Variants in CCDC148 observed in about 807,000 individuals in gnomAD.
CCDC148 encodes the protein coiled-coil domain-containing protein 148.
Under a neutral mutation model 85.7 loss-of-function variants are expected in CCDC148, and 89 were observed. That is an observed-to-expected ratio of 1.04 (90% confidence interval 0.87 to 1.24). The LOEUF is 1.24. CCDC148 is among the 50% of genes most tolerant of loss of function. CCDC148 has a pLI of 0.00. For synonymous variants in CCDC148, 230 were observed against 213.9 expected (o/e 1.08, Z -0.66); for missense variants, 692 against 671.7 (o/e 1.03, Z -0.33).
At chr2:158,264,453 C>T (rs988062689) in intron 9 of CCDC148, among the ~76,000 whole-genome samples, 4 of 151,994 alleles carry the variant, frequency 2.6e-5, no homozygotes, top group African/African-American at 4.8e-5. Flanking sequence ...ACCCCCTTCA[C>T]GTGGGATGTT....
At chr2:158,284,111 C>T (rs1243275838) in intron 9 of CCDC148, among the ~76,000 whole-genome samples, 1 of 121,820 alleles carries the variant, frequency 8.2e-6, no homozygotes, top group Non-Finnish European at 1.6e-5. Context: ...GAACATCACA[C>T]TCTGGGGACT....
chr2:158,387,132 G>A (rs1322806665), intron 1 of CCDC148, among the ~76,000 whole-genome samples: 2 of 151,996 alleles, frequency 1.3e-5, no homozygotes, highest in East Asian at 1.9e-4. Flanking sequence ...TCACAGTCTA[G>A]ATCAAATATT....
At chr2:158,280,539 C>A (rs1046839054) in intron 9 of CCDC148, among the ~76,000 whole-genome samples, 1 of 152,278 alleles carries the variant, frequency 6.6e-6, no homozygotes, top group African/African-American at 2.4e-5. Flanking sequence ...AAGGCCAATA[C>A]ATAATGGTAA....
At chr2:158,268,876 C>T (rs567832035) in intron 9 of CCDC148, among the ~76,000 whole-genome samples, 6 of 152,194 alleles carry the variant, frequency 3.9e-5, no homozygotes, top group African/African-American at 1.2e-4. Context: ...CAGGTTCATC[C>T]GTGTTGCTGC....
chr2:158,280,969 G>A (rs543989660), intron 9 of CCDC148, among the ~76,000 whole-genome samples: 72 of 152,148 alleles, frequency 4.7e-4, no homozygotes, highest in South Asian at 4.6e-3. Flanking sequence ...CAGGATTAAG[G>A]AACTCACTCA....
intron 2 of CCDC148, among the ~76,000 whole-genome samples, chr2:158,353,722 C>T (rs1414906413): frequency 1.3e-5 from 2 of 152,168 alleles, no homozygotes; most frequent in East Asian, 3.9e-4. Flanking sequence ...CTGCACCAAG[C>T]AGACCTAATA....
intron 10 of CCDC148, among the ~76,000 whole-genome samples, chr2:158,234,890 T>C (rs1688028042): frequency 6.6e-6 from 1 of 152,220 alleles, no homozygotes; most frequent in Non-Finnish European, 1.5e-5. Context: ...GGGTGATTTT[T>C]ATTGTATTTT....
At position 158,412,945 on chromosome 2, in the gene CCDC148, G is replaced by A. The variant is rs532974046; in HGVS notation, c.25+43470C>T. ...TATACATGTGCCATGCTGGTGTGCTGCACCCATTAACTCGTCATTTAGCAT... is the reference window on the plus strand; with the variant it reads ...TATACATGTGCCATGCTGGTGTGCTACACCCATTAACTCGTCATTTAGCAT... On this transcript the variant is annotated intron_variant, in intron 1 of 13. Transcript: ENST00000283233. Among the ~76,000 whole-genome samples the A allele has an allele frequency of 4.8e-3, 721 of 150,934 alleles. 2 individuals are homozygous for A. The highest frequency in any genetic ancestry group is 0.016 in the African/African-American group (679 of 41,274).
chr2:158,192,288 G>T (rs1453442075), intron 11 of CCDC148, among the ~76,000 whole-genome samples: 1 of 151,956 alleles, frequency 6.6e-6, no homozygotes, highest in Non-Finnish European at 1.5e-5. Context: ...TCTCTCAAAG[G>T]AAACAGAGAA....
intron 10 of CCDC148, among the ~76,000 whole-genome samples, chr2:158,232,538 A>G (rs1687903908): frequency 6.6e-6 from 1 of 152,220 alleles, no homozygotes; most frequent in African/African-American, 2.4e-5. Context: ...ATTTACACAT[A>G]GGAAGCAGAA....
At position 158,232,945 on chromosome 2, in the gene CCDC148, A is replaced by G. The variant is rs115887153; in HGVS notation, c.1252-12232T>C. ...GTAGAAGGAATAAATTCTAGTGTTC[A>G]ATAGCACCAGTAGGATGACTATAGT... On this transcript the variant is annotated intron_variant, in intron 10 of 13. Coordinates refer to ENST00000283233, the MANE Select transcript of CCDC148 (RefSeq NM_138803.4). Among the ~76,000 whole-genome samples the G allele has an allele frequency of 4.7e-3, 710 of 152,300 alleles. 1 individual carries two copies. The highest frequency in any genetic ancestry group is 0.016 in the African/African-American group (645 of 41,572).
intron 2 of CCDC148, among the ~76,000 whole-genome samples, chr2:158,353,978 C>T (rs1683476441): frequency 6.6e-6 from 1 of 152,182 alleles, no homozygotes; most frequent in African/African-American, 2.4e-5. Context: ...TGAATGACCA[C>T]TGGGTACATA....
At chr2:158,328,322 G>C (rs971603043) in intron 7 of CCDC148, among the ~76,000 whole-genome samples, 11 of 152,022 alleles carry the variant, frequency 7.2e-5, no homozygotes, top group Non-Finnish European at 1.0e-4. Context: ...CTTCATACAT[G>C]TCCCTACAAA....
At chr2:158,273,598 T>A (rs1315675286) in intron 9 of CCDC148, among the ~76,000 whole-genome samples, 2 of 152,102 alleles carry the variant, frequency 1.3e-5, no homozygotes, top group African/African-American at 4.8e-5. Context: ...GAATGCCATC[T>A]CCCGACGCTC....
At chr2:158,342,294 T>C (rs1209590241) in intron 3 of CCDC148, among the ~76,000 whole-genome samples, 1 of 152,138 alleles carries the variant, frequency 6.6e-6, no homozygotes, top group Non-Finnish European at 1.5e-5. Flanking sequence ...CCTCCCAAAG[T>C]GCTGTGTCAT....
intron 9 of CCDC148, among the ~76,000 whole-genome samples, chr2:158,274,570 AT>A (rs1189638046): frequency 6.6e-6 from 1 of 152,064 alleles, no homozygotes; most frequent in Non-Finnish European, 1.5e-5. Flanking sequence ...TCAGGCATTA[AT>A]TTTATTTTCA....
At chr2:158,422,465 C>G (rs1042540746) in intron 1 of CCDC148, among the ~76,000 whole-genome samples, 2 of 152,276 alleles carry the variant, frequency 1.3e-5, no homozygotes, top group African/African-American at 4.8e-5. Context: ...ATCATATAAA[C>G]AGAACCAAAG....
intron 3 of CCDC148, among the ~76,000 whole-genome samples, chr2:158,344,541 CAAG>C (rs1183216985): frequency 1.3e-5 from 2 of 152,058 alleles, no homozygotes; most frequent in Non-Finnish European, 2.9e-5. Context: ...ATCATTAAAA[CAAG>C]TATACAAGCT....
At chr2:158,350,417 C>G (rs1232503814) in intron 2 of CCDC148, among the ~76,000 whole-genome samples, 1 of 152,052 alleles carries the variant, frequency 6.6e-6, no homozygotes, top group Non-Finnish European at 1.5e-5. Context: ...ATTTATTTAT[C>G]TATTCCAATA....
Sources: allele counts gnomAD v4.1 joint callset (sites outside exome capture counted in the v4.1 genomes callset), GRCh38; gene constraint gnomAD v4.1.1; transcripts MANE v1.5; gene names NCBI Gene and HGNC (gene_info 2026-07-23, HGNC 2026-07-21).